The following ATP11C variants were observed in gnomAD, a reference collection of about 807,000 sequenced individuals.
ATP11C encodes the protein ATPase phospholipid transporting 11C (ATP11C blood group).
ATP11C carries 36 observed loss-of-function variants against 97.4 expected under a neutral mutation model. The observed-to-expected ratio is 0.37, with a 90% CI of 0.28 to 0.49. The LOEUF is 0.49. ATP11C is among the 20% of genes least tolerant of loss of function. The pLI is 0.98. For synonymous variants in ATP11C, 275 were observed against 290.9 expected (o/e 0.95, Z 0.56); for missense variants, 730 against 824.6 (o/e 0.89, Z 1.40).
chrX:139,804,194 A>C (rs2082993782), intron 6 of ATP11C, among the ~76,000 whole-genome samples: 1 of 111,412 alleles, frequency 9.0e-6, no homozygotes, highest in African/African-American at 3.3e-5. Flanking sequence ...CTAAATATTA[A>C]ATAGGCTGTG....
chrX:139,810,770 C>T (rs1446548611), intron 5 of ATP11C, among the ~76,000 whole-genome samples: 4 of 111,183 alleles, frequency 3.6e-5, no homozygotes, highest in African/African-American at 9.8e-5. Flanking sequence ...TGCCCCAATC[C>T]ATATGTTTTC....
At chrX:139,830,819 G>A in intron 1 of ATP11C, among the ~76,000 whole-genome samples, 1 of 111,211 alleles carries the variant, frequency 9.0e-6, no homozygotes, top group East Asian at 2.8e-4. Flanking sequence ...GTCTTAAAAA[G>A]GCCAAATTCA....
chrX:139,838,671 T>C (rs2083782654), intron 1 of ATP11C, among the ~76,000 whole-genome samples: 1 of 112,665 alleles, frequency 8.9e-6, no homozygotes, highest in South Asian at 3.6e-4. Flanking sequence ...GGAAACAGTC[T>C]GGTGCAGTGG....
chrX:139,812,613 C>A (rs1354067253), intron 5 of ATP11C, among the ~76,000 whole-genome samples: 1 of 106,736 alleles, frequency 9.4e-6, no homozygotes, highest in East Asian at 3.0e-4. Context: ...GGCTCGATCT[C>A]GGATCACCGC....
rs1284133240 is a variant in ATP11C at position 139,918,404 on chromosome X, A to C, written c.27+13612T>G. 2.7e-5 allele frequency among the ~76,000 whole-genome samples: 3 copies of C among 111,323 alleles called. No homozygotes were observed. The Admixed American group carries it at 2.9e-4, about 11-fold the overall frequency. ...AGGCGGGTGGATCACCTGAAGTCAG[A>C]AGTTCCAGACCAGCCTGGCCAACAT... is the stretch of plus-strand genomic sequence containing the variant. On this transcript the variant is annotated intron_variant, in intron 1 of 29. Transcript: ENST00000682941.
chrX:139,933,357 T>C (rs2085478301), upstream of ATP11C, among the ~76,000 whole-genome samples: 1 of 111,794 alleles, frequency 8.9e-6, no homozygotes, highest in South Asian at 3.7e-4. Context: ...AAGGCTAAAT[T>C]AGGCAAAGCT....
chrX:139,798,221 A>G, intron 10 of ATP11C, 52 bp downstream of exon 10: 1 of 1,038,121 alleles, frequency 9.6e-7, no homozygotes, highest in Non-Finnish European at 1.3e-6. Flanking sequence ...AATTACCAAG[A>G]AAGTAACTAT....
chrX:139,752,379 A>C (rs761028709), intron 23 of ATP11C, among the ~76,000 whole-genome samples: 1 of 112,005 alleles, frequency 8.9e-6, no homozygotes, highest in Non-Finnish European at 1.9e-5. Context: ...CCTGGCACAA[A>C]GTAGGCAATC....
intron 12 of ATP11C, 121 bp from the exon 13 acceptor site, chrX:139,789,609 A>G (rs1049386969): frequency 2.1e-6 from 1 of 477,665 alleles, no homozygotes; most frequent in African/African-American, 2.5e-5. Flanking sequence ...CTTCTTGTCA[A>G]ATGTCAGGGA....
intron 1 of ATP11C, among the ~76,000 whole-genome samples, chrX:139,910,373 G>A (rs1305965108): frequency 2.7e-5 from 3 of 110,824 alleles, no homozygotes; most frequent in South Asian, 3.9e-4. Flanking sequence ...TTGGGAGGCC[G>A]AGGCGGGCAG....
upstream of ATP11C, among the ~76,000 whole-genome samples, chrX:139,934,945 T>C (rs918659532): frequency 8.9e-6 from 1 of 112,090 alleles, no homozygotes; most frequent in Non-Finnish European, 1.9e-5. Flanking sequence ...TTCTAGATAC[T>C]GGAATTGGGA....
At chrX:139,781,285 A>G (rs2082451327) in intron 18 of ATP11C, among the ~76,000 whole-genome samples, 1 of 112,409 alleles carries the variant, frequency 8.9e-6, no homozygotes, top group Non-Finnish European at 1.9e-5. Flanking sequence ...TTTAATTCTC[A>G]TAATTTTCAT....
At chrX:139,764,419 T>C (rs1368085557) in intron 20 of ATP11C, among the ~76,000 whole-genome samples, 1 of 112,831 alleles carries the variant, frequency 8.9e-6, no homozygotes, top group Non-Finnish European at 1.9e-5. Flanking sequence ...ACTTCTGCCT[T>C]GGGGTTCTCC....
intron 1 of ATP11C, among the ~76,000 whole-genome samples, chrX:139,860,936 G>A (rs1188241615): frequency 8.9e-6 from 1 of 112,357 alleles, no homozygotes; most frequent in African/African-American, 3.2e-5. Context: ...CATGAGGAAG[G>A]TTAATTCATG....
In ATP11C at chrX:139,760,016, C is replaced by CTTTA. The variant is rs1301910594; in HGVS notation, c.2640+1941_2640+1944dup. On this transcript the variant is annotated intron_variant, in intron 22 of 29. Coordinates refer to ENST00000682941, the MANE Select transcript of ATP11C (RefSeq NM_001353812.2). ...AGGTGAAGGTCAAGAGAGAATAACCCTTTATTTCCATGAGCTGCTGTTACT... is the reference window on the plus strand; with the variant it reads ...AGGTGAAGGTCAAGAGAGAATAACCCTTTATTTATTTCCATGAGCTGCTGTTACT... 7.2e-5 allele frequency among the ~76,000 whole-genome samples: 8 copies of CTTTA among 111,659 alleles called. No individual in the cohort carries two copies. In the Admixed American group the frequency reaches 7.6e-4, roughly 11 times the overall value.
chrX:139,747,125 A>G (rs758708202), intron 24 of ATP11C, among the ~76,000 whole-genome samples: 1 of 111,482 alleles, frequency 9.0e-6, no homozygotes, highest in Admixed American at 9.5e-5. Context: ...AGCTCTCCCT[A>G]TAGCCAGTAA....
chrX:139,849,016 C>T (rs936673679), intron 1 of ATP11C, among the ~76,000 whole-genome samples: 1 of 111,929 alleles, frequency 8.9e-6, no homozygotes, highest in African/African-American at 3.3e-5. Context: ...ACCCTAAATG[C>T]TCATTTCAAA....
At chrX:139,877,503 C>T (rs929791610) in intron 1 of ATP11C, among the ~76,000 whole-genome samples, 1 of 111,106 alleles carries the variant, frequency 9.0e-6, no homozygotes, top group African/African-American at 3.3e-5. Context: ...AGCTGCCACC[C>T]ATTCACCACA....
chrX:139,837,763 T>A (rs913042980), intron 1 of ATP11C, among the ~76,000 whole-genome samples: 4 of 112,236 alleles, frequency 3.6e-5, no homozygotes, highest in African/African-American at 1.3e-4. Context: ...ATAGTCTGAT[T>A]ACTTCAGATG....
Sources: allele counts gnomAD v4.1 joint callset (sites outside exome capture counted in the v4.1 genomes callset), GRCh38; gene constraint gnomAD v4.1.1; transcripts MANE v1.5; gene names NCBI Gene and HGNC (gene_info 2026-07-23, HGNC 2026-07-21).